ZNF217: variants seen among roughly 807,000 people sequenced by gnomAD.
ZNF217 encodes the protein zinc finger protein 217.
A neutral mutation model predicts 73.3 loss-of-function variants in ZNF217; 12 were observed. The observed-to-expected ratio is 0.16, with a 90% CI of 0.10 to 0.27. The LOEUF (loss-of-function observed/expected upper bound fraction) is 0.27. Among genes scored for constraint, ZNF217 ranks in the 10% least tolerant of loss-of-function variants. The pLI is 1.00. For synonymous variants in ZNF217, 588 were observed against 516.4 expected, an observed-to-expected ratio of 1.14 and a Z score of -1.88; for missense variants, 1,195 against 1,327.8, an observed-to-expected ratio of 0.90 and a Z score of 1.55.
At chr20:53,587,902 C>T (rs1222325505) in intron 1 of ZNF217, among the ~76,000 whole-genome samples, 1 of 150,966 alleles carries the variant, frequency 6.6e-6, no homozygotes, top group Non-Finnish European at 1.5e-5. Flanking sequence ...ATTTTTAATG[C>T]TCTAAATTCT....
Position 53,576,100 on chromosome 20 carries a change from G to A in ZNF217, c.2664C>T (p.Asn888=), listed in dbSNP as rs147997293. 100 of 1,614,102 alleles carry A rather than the reference G, an allele frequency of 6.2e-5. No individual in the cohort carries two copies. Among genetic ancestry groups the A allele is most frequent in the South Asian group, 2.6e-4 (24 of 91,092 alleles). The change falls in exon 4 of 6, where the codon AAC becomes AAT. Residue 888 remains asparagine (N), a synonymous_variant. Transcript: ENST00000371471. The part of the protein sequence containing the change: ...INGSIDYPAK[N]DSPWAPPGRD... ...TTCCCGGAGGTGCCCACGGGCTGTC[G>A]TTCTTGGCGGGGTAGTCGATGGAAC...
In ZNF217 at chr20:53,581,673, C is replaced by T. The variant is rs1184920202; in HGVS notation, c.1154G>A (p.Arg385Lys). 1 of 1,614,132 alleles carries T rather than the reference C, an allele frequency of 6.2e-7. No homozygotes were observed. Among genetic ancestry groups the T allele is most frequent in the Non-Finnish European group, 8.5e-7 (1 of 1,180,050 alleles). ...GTGCAAGACCAGCTGGTGGTAGGTTCTGAAAGCTTTGCCGCACTCGGAGCA... is the reference window on the plus strand; with the variant it reads ...GTGCAAGACCAGCTGGTGGTAGGTTTTGAAAGCTTTGCCGCACTCGGAGCA... ...THCSECGKAFRTYHQLVLHSR... is the reference protein window; with the variant it reads ...THCSECGKAFKTYHQLVLHSR... The change falls in exon 2 of 6, where the codon AGA (arginine) becomes AAA (lysine). Residue 385 changes from arginine (R) to lysine (K), a missense_variant. Physicochemically the swap from Arg to Lys is conservative, Grantham distance 26. This residue lies in a region of ZNF217 where 1 missense variants were observed against 16.1 expected (regional missense o/e 0.06). Transcript: ENST00000371471. This position sits in a 1 kb window ranked among gnomAD's most constrained non-coding sequence, Gnocchi z 4.9.
At chr20:53,587,200 A>T (rs547705564) in intron 1 of ZNF217, among the ~76,000 whole-genome samples, 1 of 152,252 alleles carries the variant, frequency 6.6e-6, no homozygotes, top group Non-Finnish European at 1.5e-5. Context: ...GAAATCCAGT[A>T]GGAACCATAT....
Position 53,582,717 on chromosome 20 carries a change from G to A in ZNF217, c.110C>T (p.Ala37Val), listed in dbSNP as rs1319642933. ...SLGSPMEMED[A>V]LSMKGTAVVP... is the part of the protein sequence containing the mutation. ...AACAGCGGTCCCTTTCATTGACAAGGCATCCTCCATCTCCATCGGACTGCC... is the reference window on the plus strand; with the variant it reads ...AACAGCGGTCCCTTTCATTGACAAGACATCCTCCATCTCCATCGGACTGCC... Residue 37 changes from alanine (A) to valine (V), a missense_variant, in exon 2 of 6, where the codon GCC becomes GTC. This residue lies in a region of ZNF217 where 147 missense variants were observed against 184.3 expected (regional missense o/e 0.80). Transcript: ENST00000371471. This position sits in a 1 kb window ranked among gnomAD's most constrained non-coding sequence, Gnocchi z 4.8. 2.5e-6 allele frequency: 4 copies of A among 1,614,100 alleles called. No homozygotes were observed. Among genetic ancestry groups the A allele is most frequent in the Non-Finnish European group, 3.4e-6 (4 of 1,180,028 alleles).
Position 53,567,208 on chromosome 20 carries a change from T to C in ZNF217, c.*2080A>G, listed in dbSNP as rs1212165943. The stretch of plus-strand genomic sequence containing the variant: ...ACAATTAAAATAAATCAAACTGGAA[T>C]GAAATAAATACATAAACAAAAATCC... On this transcript the variant is annotated 3_prime_UTR_variant, in exon 6 of 6. Transcript: ENST00000371471. 6.6e-6 allele frequency: 1 copy of C among 152,368 alleles called. No individual in the cohort carries two copies. The highest frequency in any genetic ancestry group is 1.5e-5 in the Non-Finnish European group (1 of 68,000). 9.4% of individuals were successfully genotyped at this position (152,368 alleles called of 1,614,324 possible). A position where few individuals can be genotyped will look rare whatever the true frequency, so the allele number is the denominator to read the frequency against.
In ZNF217 at chr20:53,582,574, A is replaced by G; in HGVS notation, c.253T>C (p.Leu85=). 4.3e-6 allele frequency: 7 copies of G among 1,614,214 alleles called. No individual in the cohort carries two copies. The highest frequency in any genetic ancestry group is 2.2e-5 in the East Asian group (1 of 44,890). The change falls in exon 2 of 6, where the codon TTA becomes CTA. Residue 85 remains leucine (L), a synonymous_variant. Transcript: ENST00000371471. The surrounding 1 kb of genome is among the most constrained non-coding windows in gnomAD (Gnocchi z 4.8). Reference sequence around the variant, plus strand: ...CAGAGGGTAGGCCGGTGTTGCATTAAGACATGTTTATTAAGGTCTTCTGAA... The same window carrying G: ...CAGAGGGTAGGCCGGTGTTGCATTAGGACATGTTTATTAAGGTCTTCTGAA... ...THSEDLNKHV[L]MQHRPTLCEP...
Position 53,575,894 on chromosome 20 carries a change from T to C in ZNF217, c.2870A>G (p.Gln957Arg), listed in dbSNP as rs1988237925. ...CGCCTGCGACGGATACACACAGTCC[T>C]GCGGTAACAGTGATGTGATGCCTCT... ...MVRGITSLLPQDCVYPSQALP... is the reference protein window; with the variant it reads ...MVRGITSLLPRDCVYPSQALP... The change falls in exon 4 of 6, where the codon CAG becomes CGG. Residue 957 changes from glutamine (Q) to arginine (R), a missense_variant. Transcript: ENST00000371471. 2 of 1,614,200 alleles carry C rather than the reference T, an allele frequency of 1.2e-6. No individual in the cohort carries two copies. Among genetic ancestry groups the C allele is most frequent in the Non-Finnish European group, 1.7e-6 (2 of 1,180,026 alleles).
chr20:53,585,475 G>A (rs1461930169), intron 1 of ZNF217, among the ~76,000 whole-genome samples: 2 of 152,160 alleles, frequency 1.3e-5, no homozygotes, highest in African/African-American at 4.8e-5. Context: ...AACCCAGGAG[G>A]TGGAGGTTGC....
Position 53,575,735 on chromosome 20 carries a change from G to T in ZNF217, c.3029C>A (p.Thr1010Lys). The T allele has an allele frequency of 6.3e-7, 1 of 1,577,944 alleles. No homozygotes were observed. Residue 1010 changes from threonine (T) to lysine (K), a missense_variant, in exon 4 of 6, where the codon ACG becomes AAG. Transcript: ENST00000371471. The part of the protein sequence containing the change: ...VPAGSPASSS[T>K]LEGKRPVSYQ... The stretch of plus-strand genomic sequence containing the variant: ...CGCCCCTCATGCAATACCTTCTAAC[G>T]TCGAGCTGGATGCTGGACTACCAGC...
chr20:53,594,314 ACGCCCCGCCCCCTGCCTTCACCGGC>A (rs1372998656), upstream of ZNF217, among the ~76,000 whole-genome samples: 2,147 of 147,254 alleles, frequency 0.015, 28 homozygotes, highest in Non-Finnish European at 0.021. Context: ...CCGCTCGGAG[ACGCCCCGCCCCCTGCCTTCACCGGC>A]CGCCCCGCCC....
At position 53,577,146 on chromosome 20, in the gene ZNF217, G is replaced by T; in HGVS notation, c.1618C>A (p.Gln540Lys). 6.2e-7 allele frequency: 1 copy of T among 1,614,140 alleles called. No individual in the cohort carries two copies. Among genetic ancestry groups the T allele is most frequent in the Non-Finnish European group, 8.5e-7 (1 of 1,180,044 alleles). ...GTTAATAGTGCATCTTCAGTGTCCT[G>T]ATTTTTACCATCGTTCTTGACTTCA... ...AAEVKNDGKN[Q>K]DTEDALLTAD... The change falls in exon 4 of 6, where the codon CAG (glutamine) becomes AAG (lysine). Residue 540 changes from glutamine (Q) to lysine (K), a missense_variant. Gln to Lys is a moderately conservative substitution (Grantham distance 53, BLOSUM62 1). Coordinates refer to ENST00000371471, the MANE Select transcript of ZNF217 (RefSeq NM_006526.3).
chr20:53,582,365 G>A lies in ZNF217; in HGVS notation c.462C>T (p.Phe154=), dbSNP rs199771630. The A allele has an allele frequency of 3.3e-5, 49 of 1,491,006 alleles. No individual in the cohort carries two copies. The African/African-American group carries it at 5.6e-4, about 17-fold the overall frequency. The allele number at this position is 1,491,006 out of a possible 1,614,324, so 92.4% of individuals were successfully genotyped here. A position where few individuals can be genotyped will look rare whatever the true frequency, so the allele number is the denominator to read the frequency against. The stretch of plus-strand genomic sequence containing the variant: ...TTCCGCACATGTTACACCCGTAAGT[G>A]AAAGAATCTTTGTGTGTTCTCATGT... ...EIHMRTHKDS[F]TYGCNMCGRR... is the part of the protein sequence containing the mutation. The change falls in exon 2 of 6, where the codon TTC becomes TTT. Residue 154 remains phenylalanine (F), a synonymous_variant. Transcript: ENST00000371471. This position sits in a 1 kb window ranked among gnomAD's most constrained non-coding sequence, Gnocchi z 4.8.
At chr20:53,569,358 A>C in intron 5 of ZNF217, 94 bp from the exon 6 acceptor site, 1 of 882,714 alleles carries the variant, frequency 1.1e-6, no homozygotes, top group Non-Finnish European at 1.5e-6. Context: ...ATAGAACCAA[A>C]CTGACCTAGA....
chr20:53,594,284 T>A (rs1330057597), upstream of ZNF217, among the ~76,000 whole-genome samples: 1 of 151,144 alleles, frequency 6.6e-6, no homozygotes, highest in Non-Finnish European at 1.5e-5. Flanking sequence ...GAGCAGCTGT[T>A]GCGCCCTCCC....
At chr20:53,593,864 G>C (rs1371433985), upstream of ZNF217, 1 of 150,992 alleles carries the variant, frequency 6.6e-6, no homozygotes, top group African/African-American at 2.4e-5. Flanking sequence ...GCGGAGGGGA[G>C]GGGGCGGGGA....
intron 4 of ZNF217, among the ~76,000 whole-genome samples, chr20:53,573,125 AT>A (rs58075044): frequency 0.35 from 49,397 of 140,928 alleles, 8,791 homozygotes; most frequent in African/African-American, 0.52. Context: ...CTGTAGTACT[AT>A]TTTTTTTTTT....
Position 53,578,327 on chromosome 20 carries a change from T to C in ZNF217, c.1483+7A>G. On this transcript the variant is annotated splice_region_variant and intron_variant, in intron 3 of 5. Coordinates refer to ENST00000371471, the MANE Select transcript of ZNF217 (RefSeq NM_006526.3). ...AATGCATGGTTAAAAAAATAAAAGTTCTTTACCTGTATGCGTTCTGAGATG... is the reference window on the plus strand; with the variant it reads ...AATGCATGGTTAAAAAAATAAAAGTCCTTTACCTGTATGCGTTCTGAGATG... 6.5e-7 allele frequency: 1 copy of C among 1,549,968 alleles called. No individual in the cohort carries two copies. Among genetic ancestry groups the C allele is most frequent in the Non-Finnish European group, 8.7e-7 (1 of 1,150,186 alleles).
chr20:53,575,473 TA>T, intron 4 of ZNF217: 1 of 388,438 alleles, frequency 2.6e-6, no homozygotes, highest in Non-Finnish European at 4.6e-6. Flanking sequence ...ACCCTTTCTC[TA>T]AAAATAAAGT....
rs931857180 is a variant in ZNF217, at chr20:53,582,908, C to T, written c.-82G>A. 4.2e-6 allele frequency: 6 copies of T among 1,436,540 alleles called. No individual in the cohort carries two copies. The African/African-American group carries it at 8.6e-5, about 21-fold the overall frequency. 89.0% of individuals were successfully genotyped at this position (1,436,540 alleles called of 1,614,324 possible). A position where few individuals can be genotyped will look rare whatever the true frequency, so the allele number is the denominator to read the frequency against. ...ACTTGTCACTCACCCCTCTAACAGC[C>T]CTGGGTTCCAAAAACCAGAGCAAAT... On this transcript the variant is annotated 5_prime_UTR_variant, in exon 2 of 6. Transcript: ENST00000371471. The surrounding 1 kb of genome is among the most constrained non-coding windows in gnomAD (Gnocchi z 4.8).
Sources: allele counts gnomAD v4.1 joint callset (sites outside exome capture counted in the v4.1 genomes callset), GRCh38; gene constraint gnomAD v4.1.1; regional missense constraint gnomAD v4.1.1; non-coding constraint Gnocchi (gnomAD v3.1); transcripts MANE v1.5; gene names NCBI Gene and HGNC (gene_info 2026-07-23, HGNC 2026-07-21).